Variants in EFCAB11 observed in about 807,000 individuals in gnomAD.
The protein encoded by EFCAB11 is EF-hand calcium-binding domain-containing protein 11.
In EFCAB11, 14 loss-of-function variants were observed where a neutral mutation model predicts 23.0. The observed-to-expected ratio is 0.61, with a 90% confidence interval of 0.40 to 0.95. EFCAB11 has a LOEUF of 0.95. Among genes scored for constraint, EFCAB11 ranks in the 40% least tolerant of loss-of-function variants. The probability of loss-of-function intolerance (pLI) is 0.00; values close to 1 mark genes in which losing one functional copy is unlikely to be tolerated. For synonymous variants in EFCAB11, 65 were observed against 66.6 expected (o/e 0.98, Z 0.11); for missense variants, 198 against 195.8 (o/e 1.01, Z -0.07).
intron 5 of EFCAB11, among the ~76,000 whole-genome samples, chr14:89,838,245 A>G (rs1016843115): frequency 2.0e-5 from 3 of 152,250 alleles, no homozygotes; most frequent in Admixed American, 2.0e-4. Context: ...ATCCTCAGTC[A>G]TAATAGAGAT....
At chr14:89,914,163 A>G (rs1299063443) in intron 5 of EFCAB11, among the ~76,000 whole-genome samples, 1 of 152,232 alleles carries the variant, frequency 6.6e-6, no homozygotes, top group Admixed American at 6.5e-5. Context: ...AGCTAACAAT[A>G]TGAGTATCTC....
chr14:89,942,724 G>A (rs1332244508), intron 3 of EFCAB11, among the ~76,000 whole-genome samples: 7 of 151,982 alleles, frequency 4.6e-5, no homozygotes, highest in African/African-American at 1.7e-4. Context: ...TGCTTGTTAG[G>A]TTACAGGCAA....
chr14:89,878,888 T>C (rs1888520713), intron 5 of EFCAB11, among the ~76,000 whole-genome samples: 1 of 152,126 alleles, frequency 6.6e-6, no homozygotes, highest in Admixed American at 6.6e-5. Flanking sequence ...TCCTTTTTCA[T>C]TCTTTTTTTT....
chr14:89,900,633 T>C (rs1160842550), intron 5 of EFCAB11, among the ~76,000 whole-genome samples: 1 of 152,200 alleles, frequency 6.6e-6, no homozygotes, highest in Admixed American at 6.5e-5. Flanking sequence ...TGCCTGGAGA[T>C]AGATACTAAA....
At chr14:89,941,645 G>A (rs1890798732) in intron 3 of EFCAB11, among the ~76,000 whole-genome samples, 2 of 150,442 alleles carry the variant, frequency 1.3e-5, no homozygotes, top group East Asian at 4.0e-4. Context: ...CAAACTCCTG[G>A]ACTCAAGTGA....
At chr14:89,836,513 C>T (rs1202645318) in intron 5 of EFCAB11, 1 of 455,968 alleles carries the variant, frequency 2.2e-6, no homozygotes, top group Non-Finnish European at 4.4e-6. Flanking sequence ...GGTGTGTCCA[C>T]ACAGTGTGTA....
At position 89,855,001 on chromosome 14, in the gene EFCAB11, T is replaced by C. The variant is rs1887707529; in HGVS notation, c.411-57677A>G. Among the ~76,000 whole-genome samples the C allele has an allele frequency of 2.6e-5, 4 of 152,248 alleles. No individual in the cohort carries two copies. In the South Asian group the frequency reaches 8.3e-4, roughly 32 times the overall value. On this transcript the variant is annotated intron_variant, in intron 5 of 5. Coordinates refer to ENST00000316738, the MANE Select transcript of EFCAB11 (RefSeq NM_145231.4). ...TCCAACTTCCTATCTAAATACGATG[T>C]TCAATTCTTGCATCACCCAGGTCAG...
At chr14:89,881,472 T>C (rs1388025071) in intron 5 of EFCAB11, among the ~76,000 whole-genome samples, 20 of 133,480 alleles carry the variant, frequency 1.5e-4, no homozygotes, top group African/African-American at 5.5e-4. Context: ...TATATTCTTT[T>C]TTTTTTTCTT....
At chr14:89,818,578 A>G (rs1430637129) in intron 5 of EFCAB11, among the ~76,000 whole-genome samples, 1 of 152,236 alleles carries the variant, frequency 6.6e-6, no homozygotes, top group Non-Finnish European at 1.5e-5. Flanking sequence ...CTGCTCTTCA[A>G]CAAACACAGG....
intron 5 of EFCAB11, among the ~76,000 whole-genome samples, chr14:89,900,983 CG>C (rs1294219361): frequency 1.3e-5 from 2 of 152,048 alleles, no homozygotes; most frequent in Non-Finnish European, 2.9e-5. Flanking sequence ...TATGAAGACA[CG>C]GGGAAAGGAA....
At chr14:89,826,529 T>C (rs1167570891) in intron 5 of EFCAB11, among the ~76,000 whole-genome samples, 1 of 152,052 alleles carries the variant, frequency 6.6e-6, no homozygotes, top group Non-Finnish European at 1.5e-5. Flanking sequence ...TATGGTATCT[T>C]GGTCACCCTC....
intron 3 of EFCAB11, among the ~76,000 whole-genome samples, chr14:89,937,070 C>T (rs1245827155): frequency 6.6e-6 from 1 of 152,226 alleles, no homozygotes; most frequent in Non-Finnish European, 1.5e-5. Context: ...GTTACCTAAA[C>T]ATCCTTTACC....
chr14:89,926,967 A>G (rs1288484041), intron 5 of EFCAB11, among the ~76,000 whole-genome samples: 3 of 152,240 alleles, frequency 2.0e-5, no homozygotes, highest in African/African-American at 7.2e-5. Flanking sequence ...ATGAACCCTA[A>G]TAATATGTTT....
chr14:89,875,264 A>C (rs572646735), intron 5 of EFCAB11, among the ~76,000 whole-genome samples: 2 of 152,304 alleles, frequency 1.3e-5, no homozygotes, highest in South Asian at 4.1e-4. Flanking sequence ...AGACCATCAG[A>C]TCTCATGAGA....
chr14:89,897,674 AACTT>A (rs1287859121), intron 5 of EFCAB11, among the ~76,000 whole-genome samples: 4 of 152,364 alleles, frequency 2.6e-5, no homozygotes, highest in Admixed American at 6.5e-5. Flanking sequence ...TAAACACACT[AACTT>A]AAATAAAGCA....
chr14:89,871,734 C>T (rs1888276272), intron 5 of EFCAB11, among the ~76,000 whole-genome samples: 1 of 152,230 alleles, frequency 6.6e-6, no homozygotes, highest in African/African-American at 2.4e-5. Flanking sequence ...TACTAACATA[C>T]TGACCTCCCC....
intron 3 of EFCAB11, among the ~76,000 whole-genome samples, chr14:89,932,875 T>C (rs1391019666): frequency 2.6e-5 from 4 of 152,240 alleles, no homozygotes; most frequent in South Asian, 2.1e-4. Context: ...TAGGGTTCAC[T>C]GAGCTTTTTC....
At chr14:89,812,329 G>C (rs1162859116) in intron 5 of EFCAB11, among the ~76,000 whole-genome samples, 1 of 152,228 alleles carries the variant, frequency 6.6e-6, no homozygotes, top group African/African-American at 2.4e-5. Context: ...GCAGGGACAA[G>C]CCACGTGTGT....
rs1400407875 is a variant in EFCAB11 at position 89,794,943 on chromosome 14, T to C, written c.*2300A>G. 2 of 149,414 alleles carry C rather than the reference T, an allele frequency of 1.3e-5. No homozygotes were observed. Among genetic ancestry groups the C allele is most frequent in the Non-Finnish European group, 3.0e-5 (2 of 67,292 alleles). The allele number at this position is 149,414 out of a possible 1,614,324, so 9.3% of individuals were successfully genotyped here. On this transcript the variant is annotated 3_prime_UTR_variant, in exon 6 of 6. Coordinates refer to ENST00000316738, the MANE Select transcript of EFCAB11 (RefSeq NM_145231.4). ...ATACATTATTATTAGCTAAAGTCCA[T>C]GCTTGATTTGTTTCTACTTAATGTC...
Sources: gnomAD v4.1 joint callset for allele counts (sites outside exome capture counted in the v4.1 genomes callset) on GRCh38, gnomAD v4.1.1 for gene constraint, MANE v1.5 for transcripts, NCBI Gene and HGNC (gene_info 2026-07-23, HGNC 2026-07-21) for gene names.